Variants in STON2 observed in about 807,000 individuals in gnomAD.
STON2 encodes stonin-2.
Under a neutral mutation model 65.7 loss-of-function variants are expected in STON2, and 29 were observed. The ratio of observed to expected loss-of-function variants is 0.44; its 90% confidence interval spans 0.33 to 0.60. STON2 has a LOEUF of 0.60. Ranked by LOEUF, STON2 falls within the 20% of genes least tolerant of loss-of-function variation. The pLI is 0.03. For missense variants in STON2, 1,054 were observed against 1,118.1 expected, an observed-to-expected ratio of 0.94 and a Z score of 0.82; for synonymous variants, 404 against 414.2, an observed-to-expected ratio of 0.98 and a Z score of 0.30.
At chr14:81,394,947 A>G (rs553996729) in intron 3 of STON2, 2 of 152,322 alleles carry the variant, frequency 1.3e-5, no homozygotes, top group South Asian at 4.1e-4. Context: ...CAGCAAATAG[A>G]AAACTAATAC....
At chr14:81,305,219 C>T (rs8010339) in intron 5 of STON2, among the ~76,000 whole-genome samples, 76,909 of 152,158 alleles carry the variant, frequency 0.51, 21,120 homozygotes, top group South Asian at 0.61. Flanking sequence ...AATATTCTTG[C>T]ACATGCCTTT....
chr14:81,269,524 A>C, intron 7 of STON2: 20 of 985,444 alleles, frequency 2.0e-5, no homozygotes, highest in Non-Finnish European at 2.4e-5. Flanking sequence ...ACCACTCTGG[A>C]TATTTATGAC....
chr14:81,262,233 A>C lies in STON2; in HGVS notation c.*6181T>G, dbSNP rs1894178230. The C allele has an allele frequency of 1.0e-6, 1 of 985,330 alleles. No individual in the cohort carries two copies. The highest frequency in any genetic ancestry group is 1.2e-6 in the Non-Finnish European group (1 of 829,946). The allele number at this position is 985,330 out of a possible 1,614,324, so 61.0% of individuals were successfully genotyped here. ...TTGTCTCCATGGCTATGTCCTGTAA[A>C]GATTCACAGAAACCCCAATTTCCCC... On this transcript the variant is annotated 3_prime_UTR_variant, in exon 8 of 8. Transcript: ENST00000614646.
At chr14:81,273,411 T>C (rs969744365) in intron 6 of STON2, among the ~76,000 whole-genome samples, 1 of 152,206 alleles carries the variant, frequency 6.6e-6, no homozygotes, top group African/African-American at 2.4e-5. Context: ...ATATTGGGAC[T>C]GTTTTCCCTT....
At chr14:81,287,565 A>G (rs542589056) in intron 5 of STON2, among the ~76,000 whole-genome samples, 1 of 152,230 alleles carries the variant, frequency 6.6e-6, no homozygotes, top group African/African-American at 2.4e-5. Context: ...CCTCCCTGCC[A>G]TTAGGACAGC....
intron 4 of STON2, among the ~76,000 whole-genome samples, chr14:81,355,615 T>C (rs1424147966): frequency 1.3e-5 from 2 of 152,242 alleles, no homozygotes; most frequent in Non-Finnish European, 2.9e-5. Flanking sequence ...TCATTGCCAG[T>C]ATGCCTACCT....
intron 4 of STON2, among the ~76,000 whole-genome samples, chr14:81,351,292 AT>A (rs1454272787): frequency 6.6e-6 from 1 of 151,630 alleles, no homozygotes; most frequent in Non-Finnish European, 1.5e-5. Context: ...TCCAAGAATT[AT>A]GCTGAAAACT....
chr14:81,313,810 TAC>T (rs10527861), intron 5 of STON2, among the ~76,000 whole-genome samples: 57,533 of 139,484 alleles, frequency 0.41, 12,583 homozygotes, highest in Middle Eastern at 0.51. Flanking sequence ...AAAAAAAAAA[TAC>T]ACACACACAC....
At chr14:81,382,034 A>G (rs1157199061) in intron 3 of STON2, among the ~76,000 whole-genome samples, 1 of 152,116 alleles carries the variant, frequency 6.6e-6, no homozygotes, top group African/African-American at 2.4e-5. Flanking sequence ...CCTGGCCAAC[A>G]CAGTGAAACC....
chr14:81,272,940 G>C (rs1894659968), intron 6 of STON2, among the ~76,000 whole-genome samples: 1 of 152,218 alleles, frequency 6.6e-6, no homozygotes, highest in African/African-American at 2.4e-5. Context: ...TTAAGTGGTA[G>C]AGCTGGAAAT....
chr14:81,373,723 C>G (rs10151523), intron 3 of STON2, among the ~76,000 whole-genome samples: 1 of 151,862 alleles, frequency 6.6e-6, no homozygotes, highest in African/African-American at 2.4e-5. Context: ...GAAGAGCTGA[C>G]GCATAAAGTG....
intron 5 of STON2, among the ~76,000 whole-genome samples, chr14:81,288,820 A>C (rs1163970637): frequency 6.7e-6 from 1 of 149,156 alleles, no homozygotes. Context: ...CAAGGGAAAA[A>C]GGGTGGGGGG....
chr14:81,395,391 A>G (rs530332471), intron 3 of STON2: 44 of 153,310 alleles, frequency 2.9e-4, no homozygotes, highest in Middle Eastern at 3.4e-3. Context: ...ACAGAAGTGC[A>G]CGACCACGCC....
intron 2 of STON2, among the ~76,000 whole-genome samples, chr14:81,426,774 T>A (rs1430240211): frequency 6.6e-6 from 1 of 152,222 alleles, no homozygotes; most frequent in Non-Finnish European, 1.5e-5. Context: ...ATTTCTCACA[T>A]GATTCTTTAA....
chr14:81,336,651 C>T (rs1897382297), intron 4 of STON2, among the ~76,000 whole-genome samples: 1 of 151,732 alleles, frequency 6.6e-6, no homozygotes, highest in Admixed American at 6.6e-5. Context: ...CTATGCCAGT[C>T]CTCCCAAGGT....
intron 2 of STON2, among the ~76,000 whole-genome samples, chr14:81,407,871 A>T (rs1017130944): frequency 5.1e-4 from 77 of 152,350 alleles, no homozygotes; most frequent in African/African-American, 1.8e-3. Flanking sequence ...ACACAAGATA[A>T]TAACAAGCTT....
At chr14:81,370,433 A>G (rs936609704) in intron 4 of STON2, among the ~76,000 whole-genome samples, 5 of 152,230 alleles carry the variant, frequency 3.3e-5, no homozygotes, top group South Asian at 2.1e-4. Context: ...CACCTACTGG[A>G]AAGTTTAATA....
intron 2 of STON2, among the ~76,000 whole-genome samples, chr14:81,408,384 A>G (rs1315761414): frequency 6.6e-6 from 1 of 152,212 alleles, no homozygotes; most frequent in Non-Finnish European, 1.5e-5. Context: ...TCAAACATGT[A>G]TGAGAAAGAA....
chr14:81,333,092 G>T, intron 4 of STON2: 1 of 869,948 alleles, frequency 1.1e-6, no homozygotes, highest in South Asian at 1.4e-5. Flanking sequence ...ACAAGTCTAT[G>T]TTTGGATTCA....
Sources: allele counts gnomAD v4.1 joint callset (sites outside exome capture counted in the v4.1 genomes callset), GRCh38; gene constraint gnomAD v4.1.1; transcripts MANE v1.5; gene names NCBI Gene and HGNC (gene_info 2026-07-23, HGNC 2026-07-21).